The following SLC4A8 variants were observed in gnomAD, a reference collection of about 807,000 sequenced individuals.
The protein encoded by SLC4A8 is electroneutral sodium bicarbonate exchanger 1.
In SLC4A8, 40 loss-of-function variants were observed where a neutral mutation model predicts 125.0. That is an observed-to-expected ratio of 0.32 (90% CI 0.25 to 0.42). SLC4A8 has a LOEUF of 0.42. SLC4A8 is among the 10% of genes least tolerant of loss of function. The probability of loss-of-function intolerance (pLI) is 1.00; values close to 1 mark genes in which losing one functional copy is unlikely to be tolerated. For missense variants in SLC4A8, 863 were observed against 1,355.1 expected (o/e 0.64, Z 5.70); for synonymous variants, 456 against 476.0 (o/e 0.96, Z 0.55).
At chr12:51,458,746 T>G in intron 7 of SLC4A8, 96 bp downstream of exon 7, 2 of 822,624 alleles carry the variant, frequency 2.4e-6, no homozygotes, top group Non-Finnish European at 4.1e-6. Context: ...GTTTAGTGTT[T>G]CAAGACTCTT....
At chr12:51,426,812 G>C (rs555493368) in intron 1 of SLC4A8, among the ~76,000 whole-genome samples, 1 of 152,242 alleles carries the variant, frequency 6.6e-6, no homozygotes, top group Non-Finnish European at 1.5e-5. Flanking sequence ...TGAGGAACAA[G>C]GGGAAGCCAC....
chr12:51,474,510 G>A (rs1488392209), intron 15 of SLC4A8, 63 bp downstream of exon 15: 1 of 1,561,222 alleles, frequency 6.4e-7, no homozygotes, highest in South Asian at 1.1e-5. Flanking sequence ...GGACTTCTAA[G>A]TGAAGGGGAG....
intron 2 of SLC4A8, among the ~76,000 whole-genome samples, chr12:51,446,682 TC>T: frequency 6.6e-6 from 1 of 152,330 alleles, no homozygotes; most frequent in South Asian, 2.1e-4. Flanking sequence ...ACTTTATTTG[TC>T]CTAAACACAT....
chr12:51,408,732 T>A (rs1019059656), intron 1 of SLC4A8, among the ~76,000 whole-genome samples: 1 of 152,122 alleles, frequency 6.6e-6, no homozygotes, highest in Admixed American at 6.5e-5. Context: ...CAGAGTGATG[T>A]TGCATCTGGA....
intron 1 of SLC4A8, among the ~76,000 whole-genome samples, chr12:51,418,416 C>A (rs1248610442): frequency 6.6e-6 from 1 of 152,172 alleles, no homozygotes; most frequent in Non-Finnish European, 1.5e-5. Context: ...AAACAATATA[C>A]AAGTTATAGT....
chr12:51,515,677 G>A lies in SLC4A8; in HGVS notation c.*8239G>A, dbSNP rs1378622444. 6.6e-6 allele frequency: 1 copy of A among 152,122 alleles called. No homozygotes were observed. Among genetic ancestry groups the A allele is most frequent in the African/African-American group, 2.4e-5 (1 of 41,416 alleles). The allele number at this position is 152,122 out of a possible 1,614,324, so 9.4% of individuals were successfully genotyped here. A position where few individuals can be genotyped will look rare whatever the true frequency, so the allele number is the denominator to read the frequency against. ...TGTCTGTGAACCAGGGCAGGTAATT[G>A]TGACACTGCATCTCATAGAACTCTG... is the stretch of plus-strand genomic sequence containing the variant. On this transcript the variant is annotated 3_prime_UTR_variant, in exon 25 of 25. Transcript: ENST00000453097.
intron 13 of SLC4A8, among the ~76,000 whole-genome samples, 189 bp from the exon 14 acceptor site, chr12:51,471,098 G>T (rs553788365): frequency 1.3e-5 from 2 of 151,916 alleles, no homozygotes; most frequent in African/African-American, 4.8e-5. Flanking sequence ...GTATCCTTGC[G>T]CATATCCTGT....
chr12:51,477,123 C>T (rs916825226), intron 16 of SLC4A8, among the ~76,000 whole-genome samples: 4 of 151,896 alleles, frequency 2.6e-5, no homozygotes, highest in African/African-American at 7.3e-5. Context: ...AGGCTGGTCT[C>T]GAACTCCCAA....
chr12:51,408,844 G>A (rs76308020), intron 1 of SLC4A8, among the ~76,000 whole-genome samples: 1 of 152,064 alleles, frequency 6.6e-6, no homozygotes, highest in African/African-American at 2.4e-5. Flanking sequence ...GCACTCCAGA[G>A]CATTTTCCTT....
At chr12:51,474,661 A>ATCC in intron 15 of SLC4A8, 1 of 818,532 alleles carries the variant, frequency 1.2e-6, no homozygotes, top group Non-Finnish European at 1.8e-6. Context: ...TCCCCCCTAC[A>ATCC]TCCTACCCAG....
chr12:51,492,040 T>C (rs1951331881), intron 19 of SLC4A8, among the ~76,000 whole-genome samples: 1 of 152,128 alleles, frequency 6.6e-6, no homozygotes, highest in African/African-American at 2.4e-5. Flanking sequence ...CGAAGCAAGA[T>C]GGAAAAATGG....
intron 5 of SLC4A8, among the ~76,000 whole-genome samples, chr12:51,455,809 C>T (rs7309690): frequency 0.012 from 1,786 of 152,270 alleles, 34 homozygotes; most frequent in African/African-American, 0.04. Context: ...AAGTATCACT[C>T]TGACTGCCTG....
intron 1 of SLC4A8, among the ~76,000 whole-genome samples, chr12:51,431,212 C>T (rs115695057): frequency 0.012 from 1,794 of 152,258 alleles, 34 homozygotes; most frequent in African/African-American, 0.041. Context: ...CTCTCTTTCA[C>T]GTTAAGGATC....
intron 1 of SLC4A8, among the ~76,000 whole-genome samples, chr12:51,400,833 T>A (rs1948376701): frequency 7.4e-6 from 1 of 135,804 alleles, no homozygotes; most frequent in Admixed American, 7.3e-5. Context: ...TATACGTATA[T>A]AAACATATAT....
intron 1 of SLC4A8, among the ~76,000 whole-genome samples, chr12:51,397,207 C>T (rs1467702296): frequency 2.6e-5 from 4 of 152,140 alleles, no homozygotes; most frequent in East Asian, 1.9e-4. Flanking sequence ...GGATTACAGG[C>T]GTGAGCCACC....
At position 51,443,037 on chromosome 12, in the gene SLC4A8, G is replaced by A. The variant is rs201339017; in HGVS notation, c.130+2248G>A. Reference sequence around the variant, plus strand: ...TTTATGTCATAACTTCTGCCCACATGACATAAACTATAAATCATTGCCTTA... The same window carrying A: ...TTTATGTCATAACTTCTGCCCACATAACATAAACTATAAATCATTGCCTTA... On this transcript the variant is annotated intron_variant, in intron 2 of 24. Transcript: ENST00000453097. Among the ~76,000 whole-genome samples the A allele has an allele frequency of 1.9e-3, 286 of 152,238 alleles. 1 individual carries two copies. The highest frequency in any genetic ancestry group is 3.5e-3 in the Non-Finnish European group (241 of 68,018).
chr12:51,406,571 CT>C (rs1346457081), intron 1 of SLC4A8, among the ~76,000 whole-genome samples: 1 of 152,162 alleles, frequency 6.6e-6, no homozygotes, highest in Non-Finnish European at 1.5e-5. Context: ...GTGACATGAC[CT>C]GGTTTGTAAT....
At chr12:51,503,518 T>C (rs1388191058) in intron 22 of SLC4A8, among the ~76,000 whole-genome samples, 4 of 152,236 alleles carry the variant, frequency 2.6e-5, no homozygotes, top group Non-Finnish European at 2.9e-5. Context: ...GCCTACCTTA[T>C]TGATTATTTT....
intron 1 of SLC4A8, among the ~76,000 whole-genome samples, chr12:51,437,979 T>G (rs2138109253): frequency 6.6e-6 from 1 of 152,300 alleles, no homozygotes; most frequent in East Asian, 1.9e-4. Flanking sequence ...TATTCATTCT[T>G]TTAAAACGTT....
Sources: allele counts gnomAD v4.1 joint callset (sites outside exome capture counted in the v4.1 genomes callset), GRCh38; gene constraint gnomAD v4.1.1; transcripts MANE v1.5; gene names NCBI Gene and HGNC (gene_info 2026-07-23, HGNC 2026-07-21).